Variants in SLC4A10 observed in about 807,000 individuals in gnomAD.
SLC4A10 encodes solute carrier family 4 member 10, also known as sodium-driven chloride bicarbonate exchanger.
In SLC4A10, 42 loss-of-function variants were observed where a neutral mutation model predicts 137.7. That is an observed-to-expected ratio of 0.30 (90% CI 0.24 to 0.39). The LOEUF is 0.39. SLC4A10 is among the 10% of genes least tolerant of loss of function. The probability of loss-of-function intolerance (pLI) is 1.00; values close to 1 mark genes in which losing one functional copy is unlikely to be tolerated. For missense variants in SLC4A10, 925 were observed against 1,355.0 expected (o/e 0.68, Z 4.98); for synonymous variants, 474 against 464.1 (o/e 1.02, Z -0.27).
chr2:161,950,093 G>C (rs1383767342), intron 18 of SLC4A10, among the ~76,000 whole-genome samples: 1 of 151,936 alleles, frequency 6.6e-6, no homozygotes, highest in Non-Finnish European at 1.5e-5. Context: ...CTGAGCCTCT[G>C]CTGTGACCAA....
intron 1 of SLC4A10, among the ~76,000 whole-genome samples, chr2:161,721,387 C>G (rs1216561649): frequency 6.6e-6 from 1 of 152,152 alleles, no homozygotes; most frequent in African/African-American, 2.4e-5. Flanking sequence ...CAGGTGGTGA[C>G]AAATTCCCTC....
intron 10 of SLC4A10, among the ~76,000 whole-genome samples, chr2:161,894,403 G>C (rs752463892): frequency 1.3e-5 from 2 of 151,938 alleles, no homozygotes; most frequent in Non-Finnish European, 2.9e-5. Context: ...CCTAATTCTA[G>C]TTTAATGAGC....
chr2:161,906,439 G>T (rs1258336177), intron 15 of SLC4A10, among the ~76,000 whole-genome samples: 1 of 152,174 alleles, frequency 6.6e-6, no homozygotes, highest in African/African-American at 2.4e-5. Context: ...TGAAGTTGAT[G>T]TTACAGTCCG....
At chr2:161,811,533 G>A (rs2056551065) in intron 3 of SLC4A10, among the ~76,000 whole-genome samples, 2 of 151,934 alleles carry the variant, frequency 1.3e-5, no homozygotes, top group South Asian at 2.1e-4. Context: ...ATGACTCAAG[G>A]AGACCTTCAA....
At chr2:161,824,777 T>C (rs953737967) in intron 3 of SLC4A10, among the ~76,000 whole-genome samples, 3 of 152,298 alleles carry the variant, frequency 2.0e-5, no homozygotes, top group Non-Finnish European at 4.4e-5. Context: ...GGAAGAAGGA[T>C]CGCATCTCAT....
intron 15 of SLC4A10, among the ~76,000 whole-genome samples, chr2:161,912,790 G>T (rs943500508): frequency 6.6e-6 from 1 of 152,164 alleles, no homozygotes; most frequent in Non-Finnish European, 1.5e-5. Flanking sequence ...AAAATTAAAT[G>T]TACTCAGGAT....
intron 1 of SLC4A10, among the ~76,000 whole-genome samples, chr2:161,721,137 G>A (rs2045616679): frequency 6.6e-6 from 1 of 152,136 alleles, no homozygotes; most frequent in South Asian, 2.1e-4. Context: ...TCTTTATCCA[G>A]CTTACCATTC....
intron 15 of SLC4A10, among the ~76,000 whole-genome samples, chr2:161,934,758 A>C (rs990952941): frequency 6.6e-6 from 1 of 152,014 alleles, no homozygotes; most frequent in African/African-American, 2.4e-5. Flanking sequence ...AGAAATGTCT[A>C]TTCAGATACT....
rs778147754 is a variant in SLC4A10 at position 161,965,086 on chromosome 2, CTTG to C, written c.3078_3080del (p.Leu1026del). The C allele has an allele frequency of 2.5e-6, 4 of 1,612,442 alleles. No individual in the cohort carries two copies. The highest frequency in any genetic ancestry group is 2.2e-5 in the East Asian group (1 of 44,764). Reference sequence around the variant, plus strand: ...TGGTATTTGTAAGAAAGTTGATGGACTTGTTGTTCACGAAGCGGGAACTCAGCT... The same window carrying C: ...TGGTATTTGTAAGAAAGTTGATGGACTTGTTCACGAAGCGGGAACTCAGCT... On this transcript the variant is annotated inframe_deletion, in exon 23 of 27. Transcript: ENST00000446997.
At chr2:161,946,465 A>G (rs892164671) in intron 16 of SLC4A10, among the ~76,000 whole-genome samples, 1 of 151,992 alleles carries the variant, frequency 6.6e-6, no homozygotes. Flanking sequence ...TTTGTGATCA[A>G]TCTATCAGTT....
chr2:161,815,379 G>T (rs60050769), intron 3 of SLC4A10, among the ~76,000 whole-genome samples: 10,093 of 152,050 alleles, frequency 0.066, 439 homozygotes, highest in East Asian at 0.15. Flanking sequence ...TTGCTCGCTC[G>T]CTCTTCTGCC....
intron 1 of SLC4A10, among the ~76,000 whole-genome samples, chr2:161,741,562 A>G (rs2047898735): frequency 6.6e-6 from 1 of 152,144 alleles, no homozygotes; most frequent in Admixed American, 6.5e-5. Context: ...AAAAGATTCT[A>G]CATTTAAGTG....
intron 2 of SLC4A10, among the ~76,000 whole-genome samples, chr2:161,778,658 T>C (rs988641770): frequency 6.6e-6 from 1 of 151,954 alleles, no homozygotes; most frequent in Non-Finnish European, 1.5e-5. Context: ...TATACTAAGA[T>C]AAATCTGATT....
intron 4 of SLC4A10, among the ~76,000 whole-genome samples, chr2:161,840,738 G>C (rs1289909538): frequency 6.6e-6 from 1 of 152,140 alleles, no homozygotes; most frequent in Non-Finnish European, 1.5e-5. Flanking sequence ...GCACACCCAG[G>C]GTTGTCATTT....
chr2:161,938,946 A>T (rs1692131787), intron 15 of SLC4A10, among the ~76,000 whole-genome samples: 1 of 152,160 alleles, frequency 6.6e-6, no homozygotes, highest in African/African-American at 2.4e-5. Context: ...TTTTAACAAA[A>T]TTTTTTAAAA....
At chr2:161,695,945 G>A (rs1173031643) in intron 1 of SLC4A10, among the ~76,000 whole-genome samples, 1 of 151,580 alleles carries the variant, frequency 6.6e-6, no homozygotes, top group Non-Finnish European at 1.5e-5. Flanking sequence ...TAAGTTCTAG[G>A]GTACATGTGC....
chr2:161,812,836 G>A (rs1451782330), intron 3 of SLC4A10, among the ~76,000 whole-genome samples: 1 of 152,010 alleles, frequency 6.6e-6, no homozygotes, highest in African/African-American at 2.4e-5. Flanking sequence ...GCACGTATAT[G>A]TCAGATTTCT....
chr2:161,926,385 G>GT (rs1689093094), intron 15 of SLC4A10, among the ~76,000 whole-genome samples: 9 of 27,924 alleles, frequency 3.2e-4, no homozygotes, highest in Admixed American at 1.0e-3. Context: ...GCCTTTTTTT[G>GT]GTTTTTTTTT....
intron 4 of SLC4A10, among the ~76,000 whole-genome samples, chr2:161,853,659 A>C (rs1265905501): frequency 6.6e-6 from 1 of 152,210 alleles, no homozygotes; most frequent in Non-Finnish European, 1.5e-5. Flanking sequence ...CTGTGTAGAC[A>C]AAAATGTTCT....
Sources: gnomAD v4.1 joint callset for allele counts (sites outside exome capture counted in the v4.1 genomes callset) on GRCh38, gnomAD v4.1.1 for gene constraint, MANE v1.5 for transcripts, NCBI Gene and HGNC (gene_info 2026-07-23, HGNC 2026-07-21) for gene names.